SART3: variants seen among roughly 807,000 people sequenced by gnomAD.
SART3 encodes HIV-1 Tat-interacting protein of 110kDa.
In SART3, 44 loss-of-function variants were observed where a neutral mutation model predicts 122.3. That is an observed-to-expected ratio of 0.36 (90% CI 0.28 to 0.46). SART3 has a LOEUF of 0.46. Ranked by LOEUF, SART3 falls within the 20% of genes least tolerant of loss-of-function variation. SART3 has a pLI of 1.00. For missense variants in SART3, 1,101 were observed against 1,229.0 expected (o/e 0.90, Z 1.56); for synonymous variants, 442 against 454.0 (o/e 0.97, Z 0.34).
intron 1 of SART3, among the ~76,000 whole-genome samples, chr12:108,557,430 A>C (rs1242478105): frequency 1.3e-5 from 2 of 152,160 alleles, no homozygotes; most frequent in African/African-American, 4.8e-5. Context: ...TAGCAATGTG[A>C]AAAATGTGTT....
At chr12:108,543,688 C>A (rs1000545917) in intron 5 of SART3, among the ~76,000 whole-genome samples, 1 of 152,160 alleles carries the variant, frequency 6.6e-6, no homozygotes, top group Non-Finnish European at 1.5e-5. Flanking sequence ...TTTGATTAGA[C>A]GACTACTTTA....
At chr12:108,524,570 C>CCCTGCAGGAGG in intron 17 of SART3, 64 bp from the exon 18 acceptor site, 2 of 1,502,602 alleles carry the variant, frequency 1.3e-6, no homozygotes, top group Non-Finnish European at 1.8e-6. Context: ...CCTCCTCCTG[C>CCCTGCAGGAGG]AGGGCAGGCA....
rs1362187678 is a variant in SART3 at position 108,524,685 on chromosome 12, C to A, written c.2524-179G>T. 6 of 643,468 alleles carry A rather than the reference C, an allele frequency of 9.3e-6. No homozygotes were observed. The African/African-American group carries it at 1.1e-4, about 12-fold the overall frequency. 39.9% of individuals were successfully genotyped at this position (643,468 alleles called of 1,614,324 possible). A position where few individuals can be genotyped will look rare whatever the true frequency, so the allele number is the denominator to read the frequency against. On this transcript the variant is annotated intron_variant, in intron 17 of 18. Transcript: ENST00000546815. The stretch of plus-strand genomic sequence containing the variant: ...CTCTGTCTACAGGCTTATTTCCCCA[C>A]CCTACTCTCCTTCCCGAGTGCTGCT...
chr12:108,552,055 A>G (rs1239574860), intron 1 of SART3, among the ~76,000 whole-genome samples: 1 of 152,206 alleles, frequency 6.6e-6, no homozygotes, highest in African/African-American at 2.4e-5. Flanking sequence ...ACATTTAAAA[A>G]TCAATTACTG....
chr12:108,524,624 G>A (rs75719718), intron 17 of SART3, 118 bp from the exon 18 acceptor site: 4 of 865,658 alleles, frequency 4.6e-6, no homozygotes, highest in East Asian at 2.5e-5. Context: ...CACAGCAAAC[G>A]ACCCACCAAC....
intron 5 of SART3, 70 bp downstream of exon 5, chr12:108,544,357 C>T (rs1215433041): frequency 7.5e-7 from 1 of 1,341,262 alleles, no homozygotes; most frequent in Non-Finnish European, 1.1e-6. Flanking sequence ...AAAGGTCTAA[C>T]TACATGTTGT....
intron 5 of SART3, 119 bp downstream of exon 5, chr12:108,544,308 G>C (rs1565864310): frequency 1.1e-6 from 1 of 892,760 alleles, no homozygotes; most frequent in Non-Finnish European, 1.9e-6. Context: ...TCCAAGGAGA[G>C]TAAGAACACC....
At position 108,525,512 on chromosome 12, in the gene SART3, G is replaced by A; in HGVS notation, c.2468C>T (p.Ala823Val). Reference sequence around the variant, plus strand: ...CCTGAGGTCCTTCACGGTGCCATGAGCCTTACAGATTTCTTCTAGTTCCTC... The same window carrying A: ...CCTGAGGTCCTTCACGGTGCCATGAACCTTACAGATTTCTTCTAGTTCCTC... ...TKEELEEICK[A>V]HGTVKDLRLV... The change falls in exon 17 of 19, where the codon GCT becomes GTT. Residue 823 changes from alanine to valine, a missense_variant. Transcript: ENST00000546815. 1.9e-6 allele frequency: 3 copies of A among 1,614,208 alleles called. No homozygotes were observed. The highest frequency in any genetic ancestry group is 2.5e-6 in the Non-Finnish European group (3 of 1,180,028).
chr12:108,534,600 A>G (rs962326098), intron 12 of SART3, among the ~76,000 whole-genome samples: 1 of 152,158 alleles, frequency 6.6e-6, no homozygotes, highest in African/African-American at 2.4e-5. Context: ...GAATTGCTCG[A>G]ACCCAGGAGG....
chr12:108,537,673 T>C (rs1168872280), intron 8 of SART3, 78 bp from the exon 9 acceptor site: 2 of 1,025,784 alleles, frequency 1.9e-6, no homozygotes, highest in Non-Finnish European at 1.5e-6. Flanking sequence ...CTACTGACTA[T>C]AAAACACTAC....
At chr12:108,541,391 G>C (rs185148483) in intron 6 of SART3, among the ~76,000 whole-genome samples, 2 of 152,040 alleles carry the variant, frequency 1.3e-5, no homozygotes, top group Non-Finnish European at 2.9e-5. Flanking sequence ...CTGGGTGAAA[G>C]CGAAACTCCA....
intron 3 of SART3, among the ~76,000 whole-genome samples, chr12:108,547,389 A>G (rs1873475535): frequency 6.6e-6 from 1 of 152,108 alleles, no homozygotes; most frequent in Non-Finnish European, 1.5e-5. Flanking sequence ...TTTTTTTCCC[A>G]TTGTTCCAAG....
chr12:108,548,741 A>G (rs938240815), intron 2 of SART3, among the ~76,000 whole-genome samples: 8 of 152,254 alleles, frequency 5.3e-5, no homozygotes, highest in African/African-American at 1.9e-4. Context: ...AACTGTCTGT[A>G]AAAGTTTAAA....
chr12:108,539,032 T>C lies in SART3; in HGVS notation c.964A>G (p.Lys322Glu), dbSNP rs1309331917. 1 of 1,614,262 alleles carries C rather than the reference T, an allele frequency of 6.2e-7. No homozygotes were observed. The highest frequency in any genetic ancestry group is 1.7e-5 in the Admixed American group (1 of 60,030). ...TGAATGCGAGCAGGATCGCCAATTT[T>C]CATCTCAAAATCGATATATGCTTGA... ...EYQAYIDFEMKIGDPARIQLI... is the reference protein window; with the variant it reads ...EYQAYIDFEMEIGDPARIQLI... Residue 322 changes from lysine (K) to glutamate (E), a missense_variant, in exon 7 of 19, where the codon AAA becomes GAA. Transcript: ENST00000546815.
intron 1 of SART3, among the ~76,000 whole-genome samples, chr12:108,556,119 A>C (rs1321098866): frequency 6.6e-6 from 1 of 150,562 alleles, no homozygotes; most frequent in Non-Finnish European, 1.5e-5. Context: ...TTTTTGAGTC[A>C]GGGTCTCACT....
At chr12:108,545,370 A>T in intron 3 of SART3, 47 bp from the exon 4 acceptor site, 1 of 1,588,760 alleles carries the variant, frequency 6.3e-7, no homozygotes, top group Non-Finnish European at 8.6e-7. Context: ...AAATACCCAA[A>T]TATCAAAACT....
chr12:108,529,303 G>GCA (rs140994738), intron 15 of SART3, among the ~76,000 whole-genome samples: 77 of 150,938 alleles, frequency 5.1e-4, no homozygotes, highest in South Asian at 4.8e-3. Flanking sequence ...ACACGCACAC[G>GCA]CACACACACA....
chr12:108,545,331 T>C lies in SART3; in HGVS notation c.545-8A>G, dbSNP rs767480676. The C allele has an allele frequency of 9.3e-6, 15 of 1,613,758 alleles. No homozygotes were observed. The South Asian group carries it at 1.5e-4, about 17-fold the overall frequency. On this transcript the variant is annotated splice_polypyrimidine_tract_variant and splice_region_variant and intron_variant, in intron 3 of 18. Coordinates refer to ENST00000546815, the MANE Select transcript of SART3 (RefSeq NM_014706.4). ...CTAGCCAAATGTTAGGACCTAAAAA[T>C]AAGAAGTGTTCAATTAGTTTGGGAT... is the stretch of plus-strand genomic sequence containing the variant.
chr12:108,544,594 G>T, intron 4 of SART3, 116 bp from the exon 5 acceptor site: 1 of 1,432,124 alleles, frequency 7.0e-7, no homozygotes, highest in Non-Finnish European at 9.8e-7. Flanking sequence ...TTTGAGAAGG[G>T]TTCTTGCTGT....
Sources: gnomAD v4.1 joint callset for allele counts (sites outside exome capture counted in the v4.1 genomes callset) on GRCh38, gnomAD v4.1.1 for gene constraint, MANE v1.5 for transcripts, NCBI Gene and HGNC (gene_info 2026-07-23, HGNC 2026-07-21) for gene names.